Variants in STOX2 observed in about 807,000 individuals in gnomAD.
STOX2 encodes the protein storkhead-box protein 2.
A neutral mutation model predicts 60.9 loss-of-function variants in STOX2; 28 were observed. The observed-to-expected ratio is 0.46, with a 90% CI of 0.34 to 0.63. STOX2 has a LOEUF of 0.63. Ranked by LOEUF, STOX2 falls within the 30% of genes least tolerant of loss-of-function variation. The pLI is 0.01. For synonymous variants in STOX2, 472 were observed against 463.9 expected (o/e 1.02, Z -0.22); for missense variants, 1,024 against 1,187.7 (o/e 0.86, Z 2.03).
At chr4:183,816,128 T>G (rs535804837) in intron 1 of STOX2, among the ~76,000 whole-genome samples, 45 of 152,332 alleles carry the variant, frequency 3.0e-4, no homozygotes, top group African/African-American at 1.1e-3. Context: ...GTGATTCATG[T>G]GGACATGAAT....
At chr4:183,961,284 C>G (rs1434307095) in intron 1 of STOX2, among the ~76,000 whole-genome samples, 3 of 152,178 alleles carry the variant, frequency 2.0e-5, no homozygotes, top group Non-Finnish European at 4.4e-5. Context: ...ACCCCTCAAA[C>G]AGTTCATAAA....
chr4:183,872,053 G>A (rs959281614), intron 1 of STOX2, among the ~76,000 whole-genome samples: 13 of 151,966 alleles, frequency 8.6e-5, no homozygotes, highest in African/African-American at 2.4e-4. Context: ...GCATGGCATC[G>A]AGTGGAATCA....
intron 1 of STOX2, among the ~76,000 whole-genome samples, chr4:183,979,984 TTAACTTA>T (rs1176234037): frequency 1.3e-5 from 2 of 152,216 alleles, no homozygotes; most frequent in African/African-American, 4.8e-5. Context: ...TTAATTTAGA[TTAACTTA>T]TAATTAAATA....
At chr4:183,927,174 G>A (rs1369931965) in intron 1 of STOX2, among the ~76,000 whole-genome samples, 3 of 152,190 alleles carry the variant, frequency 2.0e-5, no homozygotes, top group Non-Finnish European at 4.4e-5. Context: ...CAGAGCCAAC[G>A]CCAAATAGTG....
chr4:183,922,009 G>T (rs562111566), intron 1 of STOX2, among the ~76,000 whole-genome samples: 2 of 152,166 alleles, frequency 1.3e-5, no homozygotes, highest in South Asian at 4.1e-4. Context: ...AGTTTCCTAA[G>T]ATGAGAATTT....
intron 1 of STOX2, among the ~76,000 whole-genome samples, chr4:183,975,513 A>T (rs1375807160): frequency 2.0e-5 from 3 of 152,186 alleles, no homozygotes; most frequent in African/African-American, 7.2e-5. Context: ...AGTCCCCACA[A>T]AAATATAATA....
chr4:183,972,225 G>A (rs939832180), intron 1 of STOX2, among the ~76,000 whole-genome samples: 1 of 152,124 alleles, frequency 6.6e-6, no homozygotes, highest in Admixed American at 6.5e-5. Flanking sequence ...AGCATGGGGC[G>A]AATTCCCATT....
intron 1 of STOX2, among the ~76,000 whole-genome samples, chr4:183,877,025 GC>G (rs1343745129): frequency 6.6e-6 from 1 of 152,192 alleles, no homozygotes; most frequent in East Asian, 1.9e-4. Flanking sequence ...AGGAAAAAAG[GC>G]CCATACTATG....
intron 1 of STOX2, among the ~76,000 whole-genome samples, chr4:183,933,392 T>G (rs572959579): frequency 3.6e-4 from 22 of 60,952 alleles, no homozygotes; most frequent in Non-Finnish European, 5.4e-4. Context: ...TTGTTGTTGT[T>G]GTTGTTGTTG....
At chr4:184,000,584 C>G (rs1436025353) in intron 1 of STOX2, among the ~76,000 whole-genome samples, 2 of 152,186 alleles carry the variant, frequency 1.3e-5, no homozygotes, top group Non-Finnish European at 2.9e-5. Context: ...ACCTGTCCCC[C>G]TTCGCTTCTG....
In STOX2 at chr4:184,021,691, T is replaced by C. The variant is rs1486512906; in HGVS notation, c.*4407T>C. 1 of 152,226 alleles carries C rather than the reference T, an allele frequency of 6.6e-6. No homozygotes were observed. Among genetic ancestry groups the C allele is most frequent in the African/African-American group, 2.4e-5 (1 of 41,466 alleles). The allele number at this position is 152,226 out of a possible 1,614,324, so 9.4% of individuals were successfully genotyped here. Reference sequence around the variant, plus strand: ...AAACAGAAATTTTAATTAAAAACTTTATCAAGTACTCTTCACAGTGCTGCT... The same window carrying C: ...AAACAGAAATTTTAATTAAAAACTTCATCAAGTACTCTTCACAGTGCTGCT... On this transcript the variant is annotated 3_prime_UTR_variant, in exon 4 of 4. Transcript: ENST00000308497.
intron 1 of STOX2, among the ~76,000 whole-genome samples, chr4:183,946,732 TCTC>T (rs1398499865): frequency 2.6e-5 from 4 of 151,552 alleles, no homozygotes; most frequent in African/African-American, 9.7e-5. Flanking sequence ...TTCAAGCAAT[TCTC>T]CTGCTTCACC....
In STOX2 at chr4:183,993,767, G is replaced by A. The variant is rs1733211170; in HGVS notation, c.167-7558G>A. 2.0e-5 allele frequency among the ~76,000 whole-genome samples: 3 copies of A among 152,152 alleles called. No homozygotes were observed. In the South Asian group the frequency reaches 6.2e-4, roughly 32 times the overall value. ...TAGTAAAAGTGCCTTTTCATTGCCA[G>A]TTTTCTTCTGAATGTCAAATACAAA... On this transcript the variant is annotated intron_variant, in intron 1 of 3. Transcript: ENST00000308497.
Position 184,009,595 on chromosome 4 carries a change from C to G in STOX2, c.757C>G (p.Leu253Val), listed in dbSNP as rs763463646. 3 of 1,613,952 alleles carry G rather than the reference C, an allele frequency of 1.9e-6. No individual in the cohort carries two copies. The highest frequency in any genetic ancestry group is 2.2e-5 in the South Asian group (2 of 91,062). Residue 253 changes from leucine (L) to valine (V), a missense_variant, in exon 3 of 4, where the codon CTC becomes GTC. Around this residue, in one of 3 missense-constraint regions of STOX2, gnomAD observed 922 missense variants for 1,058.3 expected, o/e 0.87. Transcript: ENST00000308497. The surrounding 1 kb of genome is among the most constrained non-coding windows in gnomAD (Gnocchi z 4.0). ...AAATTTTTCCTATAAGACAGAAACT[C>G]TCTCAAAACCTAAAGATAGTGAAAA... is the stretch of plus-strand genomic sequence containing the variant. Reference protein sequence around the residue: ...TVNFSYKTETLSKPKDSEKQS... With the variant: ...TVNFSYKTETVSKPKDSEKQS...
intron 1 of STOX2, among the ~76,000 whole-genome samples, chr4:183,891,116 T>TA (rs1255379768): frequency 6.6e-6 from 1 of 151,676 alleles, no homozygotes; most frequent in African/African-American, 2.4e-5. Context: ...TCTCTGACAA[T>TA]AAAAAATAAT....
chr4:183,799,965 G>A (rs1247999080), intron 1 of STOX2, among the ~76,000 whole-genome samples: 1 of 152,098 alleles, frequency 6.6e-6, no homozygotes, highest in African/African-American at 2.4e-5. Flanking sequence ...CACCCTCAGA[G>A]GAAGCAGAGG....
At chr4:183,830,543 G>T (rs540077997) in intron 1 of STOX2, among the ~76,000 whole-genome samples, 2 of 152,270 alleles carry the variant, frequency 1.3e-5, no homozygotes, top group South Asian at 4.2e-4. Flanking sequence ...ACCCCAGGCT[G>T]GCTTTACCTT....
At chr4:183,991,604 T>G (rs762386723) in intron 1 of STOX2, among the ~76,000 whole-genome samples, 1 of 152,056 alleles carries the variant, frequency 6.6e-6, no homozygotes, top group Non-Finnish European at 1.5e-5. Flanking sequence ...ATTTTTTGTG[T>G]TTTTCGTAGT....
chr4:183,909,758 T>C (rs1232158171), intron 1 of STOX2, among the ~76,000 whole-genome samples: 1 of 130,272 alleles, frequency 7.7e-6, no homozygotes, highest in Non-Finnish European at 1.7e-5. Context: ...GCTTCTATAA[T>C]AGCAAATGAG....
Sources: gnomAD v4.1 joint callset for allele counts (sites outside exome capture counted in the v4.1 genomes callset) on GRCh38, gnomAD v4.1.1 for gene constraint, gnomAD v4.1.1 regional missense constraint, Gnocchi (gnomAD v3.1) non-coding constraint, MANE v1.5 for transcripts, NCBI Gene and HGNC (gene_info 2026-07-23, HGNC 2026-07-21) for gene names.